Variants in ARL15 observed in about 807,000 individuals in gnomAD.
The protein encoded by ARL15 is ARF like GTPase 15.
Under a neutral mutation model 25.2 loss-of-function variants are expected in ARL15, and 19 were observed. That is an observed-to-expected ratio of 0.75 (90% CI 0.53 to 1.10). The LOEUF is 1.10. ARL15 is among the 50% of genes least tolerant of loss of function. The probability of loss-of-function intolerance (pLI) is 0.00; values close to 1 mark genes in which losing one functional copy is unlikely to be tolerated. For synonymous variants in ARL15, 94 were observed against 86.8 expected (o/e 1.08, Z -0.46); for missense variants, 220 against 246.0 (o/e 0.89, Z 0.71).
chr5:53,908,736 G>A (rs1256959268), intron 4 of ARL15, among the ~76,000 whole-genome samples: 2 of 152,058 alleles, frequency 1.3e-5, no homozygotes, highest in Non-Finnish European at 2.9e-5. Context: ...CTGGGATTCC[G>A]TACACTCACT....
At chr5:54,143,127 T>C (rs916014456) in intron 3 of ARL15, among the ~76,000 whole-genome samples, 1 of 152,150 alleles carries the variant, frequency 6.6e-6, no homozygotes, top group Non-Finnish European at 1.5e-5. Flanking sequence ...TTAGATCAAG[T>C]CTGTTAATTG....
At chr5:53,924,957 G>T (rs1293625281) in intron 4 of ARL15, among the ~76,000 whole-genome samples, 1 of 152,034 alleles carries the variant, frequency 6.6e-6, no homozygotes, top group East Asian at 1.9e-4. Flanking sequence ...ACACAAGAAA[G>T]AATTCAACTC....
intron 1 of ARL15, among the ~76,000 whole-genome samples, chr5:54,192,590 G>A (rs866153690): frequency 9.1e-5 from 13 of 142,582 alleles, no homozygotes; most frequent in Non-Finnish European, 9.0e-5. Context: ...ATACTTTTAT[G>A]TGACTCCTCC....
chr5:54,010,956 C>T (rs1489814727), intron 4 of ARL15, among the ~76,000 whole-genome samples: 3 of 149,390 alleles, frequency 2.0e-5, no homozygotes, highest in Admixed American at 6.7e-5. Flanking sequence ...GCTGAGATCG[C>T]GCCACTGCAC....
chr5:54,285,355 T>G (rs1021890671), intron 1 of ARL15: 3 of 888,142 alleles, frequency 3.4e-6, no homozygotes, highest in Non-Finnish European at 2.7e-6. Flanking sequence ...TATTGTTGTT[T>G]TCCCTAAGAA....
intron 1 of ARL15, among the ~76,000 whole-genome samples, chr5:54,226,012 T>C (rs1012000452): frequency 1.3e-5 from 2 of 152,164 alleles, no homozygotes; most frequent in Admixed American, 6.5e-5. Context: ...ACATCAATAC[T>C]AAGCATTTAG....
chr5:54,253,936 G>A (rs1015530208), intron 1 of ARL15, among the ~76,000 whole-genome samples: 2 of 152,160 alleles, frequency 1.3e-5, no homozygotes, highest in Non-Finnish European at 2.9e-5. Flanking sequence ...AAACCAGTGA[G>A]ATTATTTTCC....
intron 4 of ARL15, among the ~76,000 whole-genome samples, chr5:54,012,487 C>G (rs1321728008): frequency 1.3e-5 from 2 of 151,456 alleles, no homozygotes; most frequent in Non-Finnish European, 2.9e-5. Context: ...CCAGGCTATG[C>G]AAGTTGAAAA....
At chr5:53,951,228 A>C (rs940007477) in intron 4 of ARL15, among the ~76,000 whole-genome samples, 1 of 152,244 alleles carries the variant, frequency 6.6e-6, no homozygotes, top group African/African-American at 2.4e-5. Flanking sequence ...TACAAAGCCT[A>C]TATTTACAAT....
rs1037196376 is a variant in ARL15, at chr5:54,234,990, T to C, written c.49-63062A>G. Among the ~76,000 whole-genome samples, 4 of 141,688 alleles carry C rather than the reference T, an allele frequency of 2.8e-5. No homozygotes were observed. In the South Asian group the frequency reaches 7.0e-4, roughly 25 times the overall value. 93.0% of individuals were successfully genotyped at this position (141,688 alleles called of 152,430 possible). On this transcript the variant is annotated intron_variant, in intron 1 of 4. Transcript: ENST00000504924. ...TGAGGTCACACACAAAAAACTTCTT[T>C]CTTAAATTCCTATGAATTGATTATA...
rs558786962 is a variant in ARL15 at position 54,044,529 on chromosome 5, C to T, written c.462+68673G>A. On this transcript the variant is annotated intron_variant, in intron 4 of 4. Coordinates refer to ENST00000504924, the MANE Select transcript of ARL15 (RefSeq NM_019087.3). The stretch of plus-strand genomic sequence containing the variant: ...CAAAGCGCTGGGATTACAGGCGTGA[C>T]CCACTGCACCCGGCCAAAACAGGCC... 1.2e-3 allele frequency among the ~76,000 whole-genome samples: 176 copies of T among 152,156 alleles called. No homozygotes were observed. The Middle Eastern group carries it at 0.024, about 21-fold the overall frequency.
At chr5:54,287,795 G>C (rs577894622) in intron 1 of ARL15, among the ~76,000 whole-genome samples, 1 of 152,242 alleles carries the variant, frequency 6.6e-6, no homozygotes, top group African/African-American at 2.4e-5. Context: ...TAGATGCAAA[G>C]GCCCACAAGC....
At chr5:53,896,663 A>T (rs1369885384) in intron 4 of ARL15, among the ~76,000 whole-genome samples, 1 of 151,696 alleles carries the variant, frequency 6.6e-6, no homozygotes, top group Non-Finnish European at 1.5e-5. Context: ...CGCCCGGCTA[A>T]TTTTTTGTAT....
At chr5:54,094,115 C>T (rs1752213768) in intron 4 of ARL15, among the ~76,000 whole-genome samples, 1 of 152,112 alleles carries the variant, frequency 6.6e-6, no homozygotes, top group Non-Finnish European at 1.5e-5. Flanking sequence ...GGCTAGTAGA[C>T]AAATTTTTGA....
intron 4 of ARL15, among the ~76,000 whole-genome samples, chr5:53,914,201 C>T (rs1745556845): frequency 6.6e-6 from 1 of 151,758 alleles, no homozygotes; most frequent in Non-Finnish European, 1.5e-5. Context: ...ACATTTAAAT[C>T]TCCCAATGTT....
intron 3 of ARL15, among the ~76,000 whole-genome samples, chr5:54,129,433 T>C (rs1753367606): frequency 6.6e-6 from 1 of 152,070 alleles, no homozygotes; most frequent in Non-Finnish European, 1.5e-5. Context: ...AGAGAGAATC[T>C]GCCAGAAACA....
At position 53,885,132 on chromosome 5, in the gene ARL15, A is replaced by T. The variant is rs1453047339; in HGVS notation, c.*1429T>A. 6.6e-6 allele frequency: 1 copy of T among 152,646 alleles called. No individual in the cohort carries two copies. Among genetic ancestry groups the T allele is most frequent in the Non-Finnish European group, 1.5e-5 (1 of 68,034 alleles). The allele number at this position is 152,646 out of a possible 1,614,324, so 9.5% of individuals were successfully genotyped here. A position where few individuals can be genotyped will look rare whatever the true frequency, so the allele number is the denominator to read the frequency against. On this transcript the variant is annotated 3_prime_UTR_variant, in exon 5 of 5. Coordinates refer to ENST00000504924, the MANE Select transcript of ARL15 (RefSeq NM_019087.3). ...CAGGTATTACATCATTCTGTAATAT[A>T]GTGTGAGTCTGTGGTATTTGGGTAT... is the stretch of plus-strand genomic sequence containing the variant.
intron 4 of ARL15, among the ~76,000 whole-genome samples, chr5:54,006,575 TTTAA>T: frequency 6.6e-6 from 1 of 152,166 alleles, no homozygotes; most frequent in East Asian, 1.9e-4. Flanking sequence ...CTGTTCCAAT[TTTAA>T]TTAATATTTT....
chr5:54,185,573 G>A (rs1188407958), intron 1 of ARL15, among the ~76,000 whole-genome samples: 5 of 152,132 alleles, frequency 3.3e-5, no homozygotes, highest in African/African-American at 4.8e-5. Flanking sequence ...AGTGATGTGC[G>A]TGGCTATGAT....
Sources: gnomAD v4.1 joint callset for allele counts (sites outside exome capture counted in the v4.1 genomes callset) on GRCh38, gnomAD v4.1.1 for gene constraint, MANE v1.5 for transcripts, NCBI Gene and HGNC (gene_info 2026-07-23, HGNC 2026-07-21) for gene names.